Variants in MAP1A observed in about 807,000 individuals in gnomAD.
MAP1A encodes the protein microtubule associated protein 1A, also known as microtubule-associated protein 1A.
MAP1A carries 42 observed loss-of-function variants against 185.9 expected under a neutral mutation model. The observed-to-expected ratio is 0.23, with a 90% CI of 0.18 to 0.29. The LOEUF (loss-of-function observed/expected upper bound fraction) is 0.29. MAP1A is among the 10% of genes least tolerant of loss of function. The probability of loss-of-function intolerance (pLI) is 1.00; values close to 1 mark genes in which losing one functional copy is unlikely to be tolerated. For synonymous variants in MAP1A, 1,229 were observed against 1,335.9 expected (o/e 0.92, Z 1.74); for missense variants, 2,995 against 3,450.4 (o/e 0.87, Z 3.31).
At position 43,528,933 on chromosome 15, in the gene MAP1A, C is replaced by G. The variant is rs2079359149; in HGVS notation, c.7460C>G (p.Thr2487Ser). 1 of 1,613,084 alleles carries G rather than the reference C, an allele frequency of 6.2e-7. No homozygotes were observed. Among genetic ancestry groups the G allele is most frequent in the Non-Finnish European group, 8.5e-7 (1 of 1,179,974 alleles). ...CGGCGCCGGGTAGGGGGGCCAGGGA[C>G]CACTGGGGGCCCATGCCCTGTGACT... ...GGRRRVGGPGTTGGPCPVTDE... is the reference protein window; with the variant it reads ...GGRRRVGGPGSTGGPCPVTDE... The change falls in exon 4 of 6, where the codon ACC becomes AGC. Residue 2487 changes from threonine (T) to serine (S), a missense_variant. Physicochemically the swap from Thr to Ser is moderately conservative, Grantham distance 58. This residue lies in a region of MAP1A where 2,728 missense variants were observed against 2,986.0 expected (regional missense o/e 0.91). Transcript: ENST00000300231.
Position 43,528,619 on chromosome 15 carries a change from T to G in MAP1A, c.7146T>G (p.Ala2382=), listed in dbSNP as rs1290538712. 2.5e-6 allele frequency: 4 copies of G among 1,613,514 alleles called. No individual in the cohort carries two copies. The highest frequency in any genetic ancestry group is 2.5e-6 in the Non-Finnish European group (3 of 1,179,948). The change falls in exon 4 of 6, where the codon GCT becomes GCG. Residue 2382 remains alanine, a synonymous_variant. Coordinates refer to ENST00000300231, the MANE Select transcript of MAP1A (RefSeq NM_002373.6). ...CAGCCAAGGCTGAAAATGAAGAGGC[T>G]GCGGCTTGCCCTGCCTGGGAACGTG... The part of the protein sequence containing the change: ...PAPAKAENEE[A]AACPAWERGA...
intron 1 of MAP1A, among the ~76,000 whole-genome samples, chr15:43,518,086 A>G (rs1237412776): frequency 6.6e-6 from 1 of 152,128 alleles, no homozygotes; most frequent in African/African-American, 2.4e-5. Flanking sequence ...AATGTGCCTA[A>G]TAGGAGGGCC....
Position 43,529,089 on chromosome 15 carries a change from T to C in MAP1A, c.7616T>C (p.Phe2539Ser). ...AALDSDEDGD[F>S]LPVDKAGGVS... Reference sequence around the variant, plus strand: ...CTCGACTCAGATGAAGATGGAGACTTCCTACCTGTGGACAAAGCTGGGGGT... The same window carrying C: ...CTCGACTCAGATGAAGATGGAGACTCCCTACCTGTGGACAAAGCTGGGGGT... The change falls in exon 4 of 6, where the codon TTC becomes TCC. Residue 2539 changes from phenylalanine (F) to serine (S), a missense_variant. This residue lies in a region of MAP1A where 2,728 missense variants were observed against 2,986.0 expected (regional missense o/e 0.91). Transcript: ENST00000300231. The surrounding 1 kb of genome is among the most constrained non-coding windows in gnomAD (Gnocchi z 4.3). 1 of 1,613,784 alleles carries C rather than the reference T, an allele frequency of 6.2e-7. No homozygotes were observed. The highest frequency in any genetic ancestry group is 8.5e-7 in the Non-Finnish European group (1 of 1,179,978).
upstream of MAP1A, among the ~76,000 whole-genome samples, chr15:43,513,118 C>G (rs919155195): frequency 6.6e-6 from 1 of 151,976 alleles, no homozygotes; most frequent in Non-Finnish European, 1.5e-5. Context: ...CACCTGAGGT[C>G]GGGAGTTCGA....
chr15:43,526,803 C>T lies in MAP1A; in HGVS notation c.5330C>T (p.Pro1777Leu), dbSNP rs759195737. 6.2e-6 allele frequency: 10 copies of T among 1,614,154 alleles called. No homozygotes were observed. In the East Asian group the frequency reaches 2.0e-4, roughly 32 times the overall value. The stretch of plus-strand genomic sequence containing the variant: ...GTGGAGCGCTGGCTTGCTGAATCAC[C>T]AGTTGGGTTGCCACCAGAGGAAGAG... ...LEVERWLAES[P>L]VGLPPEEEDK... The change falls in exon 4 of 6, where the codon CCA becomes CTA. Residue 1777 changes from proline to leucine, a missense_variant. This residue lies in a region of MAP1A where 2,728 missense variants were observed against 2,986.0 expected (regional missense o/e 0.91). Coordinates refer to ENST00000300231, the MANE Select transcript of MAP1A (RefSeq NM_002373.6). The surrounding 1 kb of genome is among the most constrained non-coding windows in gnomAD (Gnocchi z 4.7).
rs1045582819 is a variant in MAP1A, at chr15:43,531,009, T to A, written c.*785T>A. On this transcript the variant is annotated 3_prime_UTR_variant, in exon 6 of 6. Transcript: ENST00000300231. Reference sequence around the variant, plus strand: ...CTTTGAAGTTTTTACTCACCCCATTTCAATTATCCTGATCCCTTCTCATCC... The same window carrying A: ...CTTTGAAGTTTTTACTCACCCCATTACAATTATCCTGATCCCTTCTCATCC... 5.9e-5 allele frequency: 9 copies of A among 152,728 alleles called. No individual in the cohort carries two copies. The highest frequency in any genetic ancestry group is 2.2e-4 in the African/African-American group (9 of 41,452). 9.5% of individuals were successfully genotyped at this position (152,728 alleles called of 1,614,324 possible).
chr15:43,528,683 G>C lies in MAP1A; in HGVS notation c.7210G>C (p.Asp2404His). ...AGGAGCTGAGAGGAGCTCCCGGCCT[G>C]ACACATTGCTCTCCCCTGAGCAGCC... ...PEGAERSSRP[D>H]TLLSPEQPVC... The change falls in exon 4 of 6, where the codon GAC becomes CAC. Residue 2404 changes from aspartate (D) to histidine (H), a missense_variant. This residue lies in a region of MAP1A where 2,728 missense variants were observed against 2,986.0 expected (regional missense o/e 0.91). Coordinates refer to ENST00000300231, the MANE Select transcript of MAP1A (RefSeq NM_002373.6). 6.2e-7 allele frequency: 1 copy of C among 1,613,754 alleles called. No individual in the cohort carries two copies. The highest frequency in any genetic ancestry group is 2.2e-5 in the East Asian group (1 of 44,874).
In MAP1A at chr15:43,525,350, T is replaced by A; in HGVS notation, c.3877T>A (p.Phe1293Ile). 6.8e-6 allele frequency: 11 copies of A among 1,613,974 alleles called. No homozygotes were observed. The highest frequency in any genetic ancestry group is 8.5e-6 in the Non-Finnish European group (10 of 1,180,012). ...SLDRKSPASS[F>I]SHSTPSGNGK... is the part of the protein sequence containing the mutation. Reference sequence around the variant, plus strand: ...TGACAGGAAGTCACCTGCCAGCTCATTCTCTCACTCTACACCTTCAGGAAA... The same window carrying A: ...TGACAGGAAGTCACCTGCCAGCTCAATCTCTCACTCTACACCTTCAGGAAA... Residue 1293 changes from phenylalanine to isoleucine, a missense_variant, in exon 4 of 6, where the codon TTC (phenylalanine) becomes ATC (isoleucine). Transcript: ENST00000300231.
In MAP1A at chr15:43,523,065, T is replaced by G. The variant is rs1288450675; in HGVS notation, c.1592T>G (p.Leu531Arg). ...RELVLSSPEDLTQDFEEMKRE... is the reference protein window; with the variant it reads ...RELVLSSPEDRTQDFEEMKRE... ...CTGGTCCTATCCTCACCAGAGGACC[T>G]CACACAGGACTTTGAGGAGATGAAG... Residue 531 changes from leucine to arginine, a missense_variant, in exon 4 of 6, where the codon CTC (leucine) becomes CGC (arginine). Transcript: ENST00000300231. The G allele has an allele frequency of 1.2e-6, 2 of 1,614,026 alleles. No homozygotes were observed. Among genetic ancestry groups the G allele is most frequent in the Non-Finnish European group, 1.7e-6 (2 of 1,180,028 alleles).
Position 43,524,663 on chromosome 15 carries a change from G to C in MAP1A, c.3190G>C (p.Val1064Leu). ...EEGTLEKEEK[V>L]PPPRSPQAQE... ...GGGCACACTAGAGAAGGAAGAGAAA[G>C]TTCCTCCTCCCAGGAGCCCCCAGGC... is the stretch of plus-strand genomic sequence containing the variant. The change falls in exon 4 of 6, where the codon GTT becomes CTT. Residue 1064 changes from valine (V) to leucine (L), a missense_variant. By Grantham distance (32) the Val-to-Leu change is conservative. Transcript: ENST00000300231. 1.2e-6 allele frequency: 2 copies of C among 1,614,112 alleles called. No individual in the cohort carries two copies. Among genetic ancestry groups the C allele is most frequent in the South Asian group, 2.2e-5 (2 of 91,078 alleles).
In MAP1A at chr15:43,520,991, G is replaced by A. The variant is rs1469493595; in HGVS notation, c.-272G>A. The A allele has an allele frequency of 1.2e-5, 18 of 1,550,202 alleles. No homozygotes were observed. The highest frequency in any genetic ancestry group is 2.0e-5 in the Admixed American group (1 of 50,996). ...TTCCAGGTTCATCATCTTCTTAGCA[G>A]CTCATCAGCTTATAAACTACTAATC... On this transcript the variant is annotated 5_prime_UTR_variant, in exon 3 of 6. Coordinates refer to ENST00000300231, the MANE Select transcript of MAP1A (RefSeq NM_002373.6).
chr15:43,518,935 T>C (rs2079309454), intron 1 of MAP1A, among the ~76,000 whole-genome samples: 1 of 152,124 alleles, frequency 6.6e-6, no homozygotes, highest in African/African-American at 2.4e-5. Flanking sequence ...CAGGACCTTA[T>C]GCCAGGACAG....
Position 43,526,234 on chromosome 15 carries a change from G to A in MAP1A, c.4761G>A (p.Glu1587=), listed in dbSNP as rs766551765. 5 of 1,614,126 alleles carry A rather than the reference G, an allele frequency of 3.1e-6. No individual in the cohort carries two copies. In the Admixed American group the frequency reaches 5.0e-5, roughly 16 times the overall value. ...AGGAGCAGGAGAGCCTAGTGCAGGA[G>A]GATAAAACCAGGAAACCAAAGATGC... is the stretch of plus-strand genomic sequence containing the variant. The part of the protein sequence containing the change: ...QTQEQESLVQ[E]DKTRKPKMLE... The change falls in exon 4 of 6, where the codon GAG becomes GAA. Residue 1587 remains glutamate (E), a synonymous_variant. Coordinates refer to ENST00000300231, the MANE Select transcript of MAP1A (RefSeq NM_002373.6). The surrounding 1 kb of genome is among the most constrained non-coding windows in gnomAD (Gnocchi z 4.7).
At position 43,522,793 on chromosome 15, in the gene MAP1A, G is replaced by A; in HGVS notation, c.1320G>A (p.Lys440=). Residue 440 remains lysine (K), a synonymous_variant, in exon 4 of 6, where the codon AAG becomes AAA. Transcript: ENST00000300231. The surrounding 1 kb of genome is among the most constrained non-coding windows in gnomAD (Gnocchi z 5.9). The stretch of plus-strand genomic sequence containing the variant: ...AGGATGAAGGAAGGAAGGAGGAGAA[G>A]AAGGATGCCAAGAAGGAGGAGAAGA... ...LKKDEGRKEE[K]KDAKKEEKRK... is the part of the protein sequence containing the mutation. 1 of 1,566,416 alleles carries A rather than the reference G, an allele frequency of 6.4e-7. No individual in the cohort carries two copies. The highest frequency in any genetic ancestry group is 8.7e-7 in the Non-Finnish European group (1 of 1,151,754).
In MAP1A at chr15:43,524,969, C is replaced by G. The variant is rs200821827; in HGVS notation, c.3496C>G (p.Gln1166Glu). The G allele has an allele frequency of 4.9e-4, 794 of 1,614,154 alleles. 10 individuals carry two copies. The South Asian group carries it at 8.5e-3, about 17-fold the overall frequency. ...CGTGCCCTCCCCAGACACTGCCAAC[C>G]AAGAGCCTACCCCCAAGTCTCCCTG... ...LSVPSPDTAN[Q>E]EPTPKSPCGL... Residue 1166 changes from glutamine to glutamate, a missense_variant, in exon 4 of 6, where the codon CAA (glutamine) becomes GAA (glutamate). This residue lies in a region of MAP1A where 2,728 missense variants were observed against 2,986.0 expected (regional missense o/e 0.91). Coordinates refer to ENST00000300231, the MANE Select transcript of MAP1A (RefSeq NM_002373.6).
At chr15:43,518,718 G>T (rs7181665) in intron 1 of MAP1A, among the ~76,000 whole-genome samples, 5 of 78,296 alleles carry the variant, frequency 6.4e-5, no homozygotes, top group East Asian at 2.8e-4. Context: ...ACCCCCCCCC[G>T]CAACTCCAGC....
chr15:43,525,225 C>T lies in MAP1A; in HGVS notation c.3752C>T (p.Ala1251Val), dbSNP rs1280932139. The T allele has an allele frequency of 1.9e-6, 3 of 1,614,008 alleles. No individual in the cohort carries two copies. The highest frequency in any genetic ancestry group is 2.2e-5 in the East Asian group (1 of 44,900). The change falls in exon 4 of 6, where the codon GCT (alanine) becomes GTT (valine). Residue 1251 changes from alanine to valine, a missense_variant. Physicochemically the swap from Ala to Val is moderately conservative, Grantham distance 64 (BLOSUM62 0). This residue lies in a region of MAP1A where 2,728 missense variants were observed against 2,986.0 expected (regional missense o/e 0.91). Coordinates refer to ENST00000300231, the MANE Select transcript of MAP1A (RefSeq NM_002373.6). ...GCCGAGGATACCTCTCACCACACAG[C>T]TCCCATGTCTGTTCCAGAGCCCCAT... The part of the protein sequence containing the change: ...MQAEDTSHHT[A>V]PMSVPEPHAA...
At chr15:43,518,303 G>A (rs993868399) in intron 1 of MAP1A, among the ~76,000 whole-genome samples, 3 of 152,010 alleles carry the variant, frequency 2.0e-5, no homozygotes, top group Non-Finnish European at 4.4e-5. Context: ...TTTAGAATGG[G>A]ACTCTAAACC....
rs116599479 is a variant in MAP1A, at chr15:43,524,345, T to C, written c.2872T>C (p.Tyr958His). ...VEMSEKLCSQYGTPVFSAPGH... is the reference protein window; with the variant it reads ...VEMSEKLCSQHGTPVFSAPGH... ...GATGTCTGAGAAACTTTGCAGTCAA[T>C]ATGGAACTCCAGTGTTTAGTGCCCC... Residue 958 changes from tyrosine to histidine, a missense_variant, in exon 4 of 6, where the codon TAT (tyrosine) becomes CAT (histidine). By Grantham distance (83) the Tyr-to-His change is moderately conservative. Coordinates refer to ENST00000300231, the MANE Select transcript of MAP1A (RefSeq NM_002373.6). The C allele has an allele frequency of 7.1e-4, 1,143 of 1,614,132 alleles. 8 individuals are homozygous for C. The African/African-American group carries it at 0.013, about 19-fold the overall frequency.
Sources: allele counts gnomAD v4.1 joint callset (sites outside exome capture counted in the v4.1 genomes callset), GRCh38; gene constraint gnomAD v4.1.1; regional missense constraint gnomAD v4.1.1; non-coding constraint Gnocchi (gnomAD v3.1); transcripts MANE v1.5; gene names NCBI Gene and HGNC (gene_info 2026-07-23, HGNC 2026-07-21).